XKRX: variants seen among roughly 807,000 people sequenced by gnomAD.
XKRX encodes the protein XK-related protein 2.
In XKRX, 11 loss-of-function variants were observed where a neutral mutation model predicts 22.4. The observed-to-expected ratio is 0.49, with a 90% CI of 0.31 to 0.81. The LOEUF (loss-of-function observed/expected upper bound fraction) is 0.81, where lower values mean the gene tolerates loss of function less well. Among genes scored for constraint, XKRX ranks in the 40% least tolerant of loss-of-function variants. The pLI is 0.05. For missense variants in XKRX, 320 were observed against 336.5 expected, an observed-to-expected ratio of 0.95 and a Z score of 0.38; for synonymous variants, 114 against 132.2, an observed-to-expected ratio of 0.86 and a Z score of 0.94.
chrX:100,916,577 T>C (rs1264186820), intron 2 of XKRX, among the ~76,000 whole-genome samples: 1 of 112,096 alleles, frequency 8.9e-6, no homozygotes. Flanking sequence ...TAGAGAACGC[T>C]CTTGCTAATA....
intron 1 of XKRX, 39 bp from the exon 2 acceptor site, chrX:100,923,100 T>C: frequency 8.3e-7 from 1 of 1,200,145 alleles, no homozygotes; most frequent in Non-Finnish European, 1.1e-6. Context: ...AACTAAGCTG[T>C]CCTGGGAAGG....
At chrX:100,889,568 G>C in the XKRX span, among the ~76,000 whole-genome samples, 2 of 110,557 alleles carry the variant, frequency 1.8e-5, no homozygotes, top group Non-Finnish European at 3.8e-5. Flanking sequence ...ATGCAAACAT[G>C]CACATGGGGA....
the XKRX span, among the ~76,000 whole-genome samples, chrX:100,944,264 G>A: frequency 8.9e-6 from 1 of 112,188 alleles, no homozygotes; most frequent in Non-Finnish European, 1.9e-5. Context: ...ACAAGAAAAG[G>A]GTGGCATGAT....
chrX:100,903,499 T>C, the XKRX span, among the ~76,000 whole-genome samples: 2 of 112,261 alleles, frequency 1.8e-5, no homozygotes, highest in African/African-American at 3.2e-5. Context: ...CTGGATTGTA[T>C]GGTAAGAGTA....
the XKRX span, among the ~76,000 whole-genome samples, chrX:100,951,651 A>G: frequency 9.0e-6 from 1 of 110,917 alleles, no homozygotes; most frequent in East Asian, 2.8e-4. Context: ...TTCTTTGGGG[A>G]AAAAAAATCA....
chrX:100,887,065 A>G, the XKRX span, among the ~76,000 whole-genome samples: 1 of 112,499 alleles, frequency 8.9e-6, no homozygotes, highest in Middle Eastern at 4.6e-3. Flanking sequence ...TTTATAACCA[A>G]TAATTCCATG....
the XKRX span, chrX:100,956,799 T>C: frequency 1.7e-6 from 1 of 575,858 alleles, no homozygotes; most frequent in Non-Finnish European, 3.1e-6. Context: ...TCAGGGAGGT[T>C]TGTATTCATC....
At chrX:100,909,360 A>G (rs2085398902), downstream of XKRX, among the ~76,000 whole-genome samples, 2 of 111,782 alleles carry the variant, frequency 1.8e-5, no homozygotes, top group South Asian at 7.6e-4. Flanking sequence ...GAACCCAACC[A>G]TAGCTCAGAA....
At position 100,925,635 on chromosome X, in the gene XKRX, T is replaced by C. The variant is rs147333912; in HGVS notation, c.335+2335A>G. 4.6e-3 allele frequency among the ~76,000 whole-genome samples: 519 copies of C among 111,895 alleles called. 5 individuals carry two copies. The highest frequency in any genetic ancestry group is 0.016 in the African/African-American group (501 of 30,871). On this transcript the variant is annotated intron_variant, in intron 1 of 2. Transcript: ENST00000372956. ...AAATTTGTATCTTGAGAGTTTTCGA[T>C]TGGTTAACTCAATATATTGTATTTG...
the XKRX span, among the ~76,000 whole-genome samples, chrX:100,937,834 C>T: frequency 2.7e-5 from 3 of 111,929 alleles, no homozygotes; most frequent in African/African-American, 9.7e-5. Context: ...ACATTAAGCA[C>T]TTGTTGGACC....
the XKRX span, among the ~76,000 whole-genome samples, chrX:100,901,708 C>T: frequency 2.7e-5 from 3 of 111,946 alleles, no homozygotes; most frequent in African/African-American, 9.7e-5. Flanking sequence ...ATCAAGATAT[C>T]ACATTTTGAG....
At chrX:100,894,655 T>A in the XKRX span, among the ~76,000 whole-genome samples, 1 of 111,053 alleles carries the variant, frequency 9.0e-6, no homozygotes, top group Non-Finnish European at 1.9e-5. Context: ...TGGGATGGGA[T>A]GGGGGGCTGG....
chrX:100,948,439 T>C, the XKRX span, among the ~76,000 whole-genome samples: 1 of 111,357 alleles, frequency 9.0e-6, no homozygotes, highest in Non-Finnish European at 1.9e-5. Flanking sequence ...ACAAGGTGGA[T>C]TACCTAGAGA....
rs777766438 is a variant in XKRX at position 100,914,403 on chromosome X, G to A, written c.1285C>T (p.Pro429Ser). 4.2e-5 allele frequency: 51 copies of A among 1,210,063 alleles called. No individual in the cohort carries two copies. Among genetic ancestry groups the A allele is most frequent in the Non-Finnish European group, 5.5e-5 (49 of 895,155 alleles). The change falls in exon 3 of 3, where the codon CCT (proline) becomes TCT (serine). Residue 429 changes from proline to serine, a missense_variant. By Grantham distance (74) the Pro-to-Ser change is moderately conservative. Coordinates refer to ENST00000372956, the MANE Select transcript of XKRX (RefSeq NM_212559.3). ...YLHCVCCHQH[P>S]RTRVENSEPP... ...TCTGAGTTCTCAACCCTGGTCCGAG[G>A]GTGCTGGTGACAGCAGACACAATGG...
chrX:100,945,949 G>C, the XKRX span, among the ~76,000 whole-genome samples: 77 of 110,788 alleles, frequency 7.0e-4, no homozygotes, highest in African/African-American at 2.5e-3. Context: ...ACTTTGGGAG[G>C]CTAGGCGGAC....
At chrX:100,937,445 T>C in the XKRX span, among the ~76,000 whole-genome samples, 1 of 112,087 alleles carries the variant, frequency 8.9e-6, no homozygotes, top group Non-Finnish European at 1.9e-5. Context: ...GTAGTTTTCA[T>C]AGTTAAGTTC....
chrX:100,936,226 T>G, the XKRX span, among the ~76,000 whole-genome samples: 1 of 111,057 alleles, frequency 9.0e-6, no homozygotes, highest in Admixed American at 9.6e-5. Flanking sequence ...TGTGTATTAG[T>G]CCATTCTCAC....
the XKRX span, chrX:100,887,933 G>A: frequency 1.8e-5 from 20 of 1,115,510 alleles, no homozygotes; most frequent in African/African-American, 9.0e-5. Flanking sequence ...GACCACTGAC[G>A]TTTCCTCCAT....
intron 1 of XKRX, 91 bp from the exon 2 acceptor site, chrX:100,923,152 C>T (rs1034942325): frequency 2.8e-6 from 3 of 1,068,041 alleles, no homozygotes; most frequent in Admixed American, 5.0e-5. Flanking sequence ...GGAGGTTGTG[C>T]TACTTTATTT....
Sources: allele counts gnomAD v4.1 joint callset (sites outside exome capture counted in the v4.1 genomes callset), GRCh38; gene constraint gnomAD v4.1.1; transcripts MANE v1.5; gene names NCBI Gene and HGNC (gene_info 2026-07-23, HGNC 2026-07-21).